ARSG: variants seen among roughly 807,000 people sequenced by gnomAD.
ARSG encodes ASG.
ARSG carries 37 observed loss-of-function variants against 50.5 expected under a neutral mutation model. The observed-to-expected ratio is 0.73, with a 90% CI of 0.56 to 0.96. ARSG has a LOEUF of 0.96. Ranked by LOEUF, ARSG falls within the 50% of genes least tolerant of loss-of-function variation. ARSG has a pLI of 0.00. For missense variants in ARSG, 629 were observed against 675.3 expected (o/e 0.93, Z 0.76); for synonymous variants, 225 against 254.6 (o/e 0.88, Z 1.11).
chr17:68,301,117 C>CAA (rs782154030), intron 1 of ARSG, among the ~76,000 whole-genome samples: 14 of 91,956 alleles, frequency 1.5e-4, no homozygotes, highest in African/African-American at 5.5e-4. Flanking sequence ...GACTCCGTCT[C>CAA]AAAAAAAAAA....
intron 5 of ARSG, among the ~76,000 whole-genome samples, chr17:68,352,427 C>T (rs556428367): frequency 2.0e-5 from 3 of 151,056 alleles, no homozygotes; most frequent in East Asian, 1.9e-4. Context: ...GTCCTATCAA[C>T]GGAGACTCAA....
At chr17:68,266,989 C>T (rs1225333616) in intron 1 of ARSG, 1 of 152,042 alleles carries the variant, frequency 6.6e-6, no homozygotes, top group Non-Finnish European at 1.5e-5. Flanking sequence ...ACACTGAATG[C>T]TGTGAGAGTC....
In ARSG at chr17:68,265,342, A is replaced by C. The variant is rs147711506; in HGVS notation, c.-552+5916A>C. Among the ~76,000 whole-genome samples the C allele has an allele frequency of 2.2e-3, 327 of 151,054 alleles. 1 individual carries two copies. Among genetic ancestry groups the C allele is most frequent in the African/African-American group, 7.3e-3 (301 of 41,088 alleles). Reference sequence around the variant, plus strand: ...AATCCTGTCTCCACTAAAAATACAAAAACTAGCTGGGTGTGGTGGTGCACG... The same window carrying C: ...AATCCTGTCTCCACTAAAAATACAACAACTAGCTGGGTGTGGTGGTGCACG... On this transcript the variant is annotated intron_variant, in intron 1 of 11. Coordinates refer to the ARSG transcript ENST00000448504.
At position 68,378,850 on chromosome 17, in the gene ARSG, T is replaced by A. The variant is rs2080282780; in HGVS notation, c.983-6214T>A. Among the ~76,000 whole-genome samples, 1 of 151,344 alleles carries A rather than the reference T, an allele frequency of 6.6e-6. No individual in the cohort carries two copies. Among genetic ancestry groups the A allele is most frequent in the South Asian group, 2.1e-4 (1 of 4,808 alleles). On this transcript the variant is annotated intron_variant, in intron 8 of 11. Transcript: ENST00000621439. The surrounding 1 kb of genome is among the most constrained non-coding windows in gnomAD (Gnocchi z 4.4). ...CTAGGAGACCTTGGTTGTTTGTAATTTGATGCTATCAGGTTGTTGCATAAC... is the reference window on the plus strand; with the variant it reads ...CTAGGAGACCTTGGTTGTTTGTAATATGATGCTATCAGGTTGTTGCATAAC...
At chr17:68,398,167 C>T (rs2081326809) in intron 10 of ARSG, among the ~76,000 whole-genome samples, 1 of 152,106 alleles carries the variant, frequency 6.6e-6, no homozygotes, top group Admixed American at 6.5e-5. Context: ...ATGCTTATAC[C>T]ACACATGCAT....
chr17:68,303,598 G>A (rs142330325), intron 1 of ARSG, among the ~76,000 whole-genome samples: 2 of 152,204 alleles, frequency 1.3e-5, no homozygotes, highest in Non-Finnish European at 2.9e-5. Flanking sequence ...ACAGGTGCAC[G>A]CCACTATGCC....
At chr17:68,270,344 A>G (rs1427760410) in intron 1 of ARSG, among the ~76,000 whole-genome samples, 1 of 152,130 alleles carries the variant, frequency 6.6e-6, no homozygotes, top group Non-Finnish European at 1.5e-5. Flanking sequence ...TCACGAGGTC[A>G]AGAGATTGAG....
chr17:68,282,409 G>A (rs1399068806), intron 1 of ARSG, among the ~76,000 whole-genome samples: 6 of 151,728 alleles, frequency 4.0e-5, no homozygotes, highest in Non-Finnish European at 7.4e-5. Context: ...GTTAAATGAC[G>A]AGTTAATGGG....
downstream of ARSG, chr17:68,422,055 G>C (rs148993949): frequency 7.2e-6 from 4 of 553,642 alleles, no homozygotes; most frequent in South Asian, 2.1e-5. Context: ...GTGTGTGTGT[G>C]TATGTATTTA....
downstream of ARSG, chr17:68,427,174 C>T (rs138586194): frequency 9.0e-5 from 146 of 1,614,088 alleles, 1 homozygote; most frequent in East Asian, 2.1e-3. Context: ...GGTCTGGCTA[C>T]GGTCGCTGCA....
intron 2 of ARSG, among the ~76,000 whole-genome samples, chr17:68,329,797 C>T (rs896477729): frequency 2.0e-5 from 3 of 152,036 alleles, no homozygotes; most frequent in Non-Finnish European, 2.9e-5. Flanking sequence ...CTAACATTAA[C>T]GATAACTGAT....
intron 1 of ARSG, among the ~76,000 whole-genome samples, chr17:68,265,470 G>A (rs1484802905): frequency 4.6e-5 from 7 of 152,210 alleles, no homozygotes; most frequent in African/African-American, 7.2e-5. Flanking sequence ...CTCCAGTCTG[G>A]GCGACAGAGC....
At chr17:68,350,022 A>G (rs1410918959) in intron 4 of ARSG, among the ~76,000 whole-genome samples, 1 of 152,242 alleles carries the variant, frequency 6.6e-6, no homozygotes, top group Non-Finnish European at 1.5e-5. Context: ...AAAAGTCTGT[A>G]GGCTACACTA....
chr17:68,437,948 T>TAAAAAAAAAAAAAAAAAAA, the ARSG span, among the ~76,000 whole-genome samples: 3 of 78,802 alleles, frequency 3.8e-5, no homozygotes, highest in Non-Finnish European at 5.1e-5. Context: ...ACATCTCTCT[T>TAAAAAAAAAAAAAAAAAAA]AAAAAAAAAA....
downstream of ARSG, chr17:68,426,254 G>GGGGGGGGCCCCCCCCCC: frequency 1.2e-6 from 1 of 816,918 alleles, no homozygotes; most frequent in East Asian, 3.5e-5. Context: ...GGGAGCGGGG[G>GGGGGGGGCCCCCCCCCC]CTCAAATAAA....
intron 1 of ARSG, chr17:68,278,074 G>T (rs782735066): frequency 2.5e-6 from 4 of 1,584,710 alleles, no homozygotes; most frequent in South Asian, 1.1e-5. Context: ...TGGTTAGGCC[G>T]AAAGATGTAC....
chr17:68,305,017 T>TA (rs1385610360), intron 1 of ARSG, among the ~76,000 whole-genome samples: 4 of 151,942 alleles, frequency 2.6e-5, no homozygotes, highest in South Asian at 4.2e-4. Context: ...GTACAAAAAG[T>TA]AAAAAAATTA....
chr17:68,275,910 G>A (rs1200863772), intron 1 of ARSG, among the ~76,000 whole-genome samples: 1 of 151,368 alleles, frequency 6.6e-6, no homozygotes, highest in Non-Finnish European at 1.5e-5. Context: ...TTGAACCTGG[G>A]AGGCGGAGGT....
intron 6 of ARSG, among the ~76,000 whole-genome samples, chr17:68,359,129 C>G (rs2079169615): frequency 1.3e-5 from 2 of 152,118 alleles, no homozygotes; most frequent in Admixed American, 1.3e-4. Context: ...GGCCACTGCA[C>G]TCCAGCCTGG....
Sources: allele counts gnomAD v4.1 joint callset (sites outside exome capture counted in the v4.1 genomes callset), GRCh38; gene constraint gnomAD v4.1.1; non-coding constraint Gnocchi (gnomAD v3.1); transcripts MANE v1.5; gene names NCBI Gene and HGNC (gene_info 2026-07-23, HGNC 2026-07-21).